TCERG1L: variants seen among roughly 807,000 people sequenced by gnomAD.
TCERG1L encodes transcription elongation regulator 1-like protein.
In TCERG1L, 37 loss-of-function variants were observed where a neutral mutation model predicts 56.3. The observed-to-expected ratio is 0.66, with a 90% CI of 0.51 to 0.87. The LOEUF (loss-of-function observed/expected upper bound fraction) is 0.87, where lower values mean the gene tolerates loss of function less well. Among genes scored for constraint, TCERG1L ranks in the 40% least tolerant of loss-of-function variants. The pLI, the probability that TCERG1L is intolerant of heterozygous loss-of-function variation, is 0.00. For missense variants in TCERG1L, 799 were observed against 774.2 expected (o/e 1.03, Z -0.38); for synonymous variants, 324 against 326.3 (o/e 0.99, Z 0.08).
intron 4 of TCERG1L, among the ~76,000 whole-genome samples, chr10:131,170,692 C>T (rs1039157852): frequency 6.6e-6 from 1 of 152,130 alleles, no homozygotes; most frequent in African/African-American, 2.4e-5. Flanking sequence ...CCAGCACGAC[C>T]GTCCTTGCTG....
At chr10:131,192,985 C>T (rs1845319607) in intron 4 of TCERG1L, among the ~76,000 whole-genome samples, 1 of 152,142 alleles carries the variant, frequency 6.6e-6, no homozygotes, top group Non-Finnish European at 1.5e-5. Context: ...TAACAAAAGC[C>T]ACTTGTACTC....
intron 3 of TCERG1L, among the ~76,000 whole-genome samples, chr10:131,289,113 AAC>A (rs548703241): frequency 1.7e-3 from 264 of 152,190 alleles, no homozygotes; most frequent in Middle Eastern, 0.01. Flanking sequence ...GAATTTTAAA[AAC>A]AGATTGCTTC....
At chr10:131,137,146 C>CAACAAACAAACA (rs111834053) in intron 7 of TCERG1L, among the ~76,000 whole-genome samples, 14 of 151,022 alleles carry the variant, frequency 9.3e-5, no homozygotes, top group Non-Finnish European at 2.1e-4. Flanking sequence ...TCTCAAAAAA[C>CAACAAACAAACA]AACAAACAAA....
At chr10:131,296,167 T>C (rs1305917713) in intron 3 of TCERG1L, among the ~76,000 whole-genome samples, 1 of 152,200 alleles carries the variant, frequency 6.6e-6, no homozygotes, top group East Asian at 1.9e-4. Flanking sequence ...GCTTTTGGTG[T>C]CATGTATTAA....
chr10:131,139,844 C>T (rs1219338219), intron 7 of TCERG1L, among the ~76,000 whole-genome samples: 1 of 151,000 alleles, frequency 6.6e-6, no homozygotes, highest in Non-Finnish European at 1.5e-5. Flanking sequence ...GTGTGTGTCT[C>T]TGTGTATGTG....
chr10:131,214,916 T>A (rs1168854849), intron 4 of TCERG1L, among the ~76,000 whole-genome samples: 1 of 152,236 alleles, frequency 6.6e-6, no homozygotes. Context: ...AGGACTCCTC[T>A]AAGGCCTTTG....
At chr10:131,168,979 A>G (rs10829939) in intron 4 of TCERG1L, among the ~76,000 whole-genome samples, 82,977 of 152,060 alleles carry the variant, frequency 0.55, 24,284 homozygotes, top group South Asian at 0.75. Flanking sequence ...TTTTCACTGA[A>G]CCAGGTAACC....
At chr10:131,293,115 C>A (rs751812955) in intron 3 of TCERG1L, among the ~76,000 whole-genome samples, 14 of 152,076 alleles carry the variant, frequency 9.2e-5, no homozygotes, top group Admixed American at 2.6e-4. Context: ...CCTCCCAAAG[C>A]GCTGGGATTA....
At chr10:131,095,262 C>A (rs1341542205) in intron 11 of TCERG1L, 2 of 155,638 alleles carry the variant, frequency 1.3e-5, no homozygotes, top group African/African-American at 2.4e-5. Context: ...TCAACCCCAC[C>A]GGGCGGCCAA....
intron 3 of TCERG1L, among the ~76,000 whole-genome samples, chr10:131,262,283 A>T (rs1252267698): frequency 6.6e-6 from 1 of 152,174 alleles, no homozygotes; most frequent in Non-Finnish European, 1.5e-5. Flanking sequence ...GCTCAGTGCC[A>T]TACCCTATAG....
intron 4 of TCERG1L, among the ~76,000 whole-genome samples, chr10:131,208,757 C>T (rs565203639): frequency 1.3e-5 from 2 of 152,232 alleles, no homozygotes; most frequent in South Asian, 4.1e-4. Flanking sequence ...TCATCTCAGT[C>T]AAAACACAGT....
chr10:131,093,591 C>T (rs1191286592), intron 11 of TCERG1L, among the ~76,000 whole-genome samples: 5 of 152,208 alleles, frequency 3.3e-5, no homozygotes, highest in South Asian at 2.1e-4. Context: ...CCTCCTCAGC[C>T]GTCTCATGCA....
chr10:131,174,049 G>A (rs958738135), intron 4 of TCERG1L, among the ~76,000 whole-genome samples: 7 of 152,160 alleles, frequency 4.6e-5, no homozygotes, highest in Non-Finnish European at 8.8e-5. Context: ...AGTGGCAGGT[G>A]CTCCCTAGGG....
intron 4 of TCERG1L, among the ~76,000 whole-genome samples, chr10:131,249,418 G>A (rs541259290): frequency 2.6e-5 from 4 of 151,976 alleles, no homozygotes; most frequent in East Asian, 1.9e-4. Context: ...GGCTCCACCC[G>A]GCTACCCCAG....
intron 5 of TCERG1L, among the ~76,000 whole-genome samples, chr10:131,165,980 G>A (rs1035184656): frequency 3.3e-5 from 5 of 152,236 alleles, no homozygotes; most frequent in African/African-American, 9.7e-5. Flanking sequence ...TGGCCTGGAT[G>A]TTAATCTGGA....
At chr10:131,158,239 A>G (rs768877418) in intron 6 of TCERG1L, among the ~76,000 whole-genome samples, 2 of 152,142 alleles carry the variant, frequency 1.3e-5, no homozygotes, top group African/African-American at 2.4e-5. Context: ...TCACTTTTAA[A>G]CCAGTTTCTA....
At chr10:131,291,401 C>CCTTTTTTT (rs1846622466) in intron 3 of TCERG1L, among the ~76,000 whole-genome samples, 1 of 36,566 alleles carries the variant, frequency 2.7e-5, no homozygotes, top group Non-Finnish European at 5.1e-5. Flanking sequence ...AACAGCATTT[C>CCTTTTTTT]TTTTTTTTTT....
chr10:131,256,997 GAA>G (rs56163744), intron 4 of TCERG1L, among the ~76,000 whole-genome samples: 1 of 74,168 alleles, frequency 1.3e-5, no homozygotes, highest in African/African-American at 4.9e-5. Context: ...AGGAAGGAAA[GAA>G]AGAAAGAAAG....
intron 4 of TCERG1L, among the ~76,000 whole-genome samples, chr10:131,252,704 T>A (rs1433615068): frequency 6.6e-6 from 1 of 152,172 alleles, no homozygotes; most frequent in African/African-American, 2.4e-5. Flanking sequence ...CCACCCACCA[T>A]GGATACTATT....
Sources: allele counts gnomAD v4.1 joint callset (sites outside exome capture counted in the v4.1 genomes callset), GRCh38; gene constraint gnomAD v4.1.1; transcripts MANE v1.5; gene names NCBI Gene and HGNC (gene_info 2026-07-23, HGNC 2026-07-21).